ABHD17C: variants seen among roughly 807,000 people sequenced by gnomAD.
ABHD17C encodes the protein alpha/beta hydrolase domain-containing protein 17C.
Under a neutral mutation model 27.9 loss-of-function variants are expected in ABHD17C, and 11 were observed. The observed-to-expected ratio is 0.39, with a 90% confidence interval of 0.25 to 0.65. The LOEUF (loss-of-function observed/expected upper bound fraction) is 0.65. ABHD17C is among the 30% of genes least tolerant of loss of function. The pLI is 0.45. For missense variants in ABHD17C, 280 were observed against 470.2 expected (o/e 0.60, Z 3.74); for synonymous variants, 233 against 209.1 (o/e 1.11, Z -0.98).
intron 1 of ABHD17C, among the ~76,000 whole-genome samples, chr15:80,705,333 T>TGTGTGTGTGTGTGTGTGTGTG (rs1555421865): frequency 4.7e-5 from 5 of 106,822 alleles, no homozygotes; most frequent in African/African-American, 1.4e-4. Flanking sequence ...TTCCTATGAT[T>TGTGTGTGTGTGTGTGTGTGTG]TGTGTGTGTG....
intron 1 of ABHD17C, among the ~76,000 whole-genome samples, chr15:80,747,310 G>A (rs1027931596): frequency 3.3e-5 from 5 of 152,086 alleles, no homozygotes; most frequent in Admixed American, 2.0e-4. Context: ...TGTGGAGGGA[G>A]GAGGAGACCC....
rs981397629 is a variant in ABHD17C, at chr15:80,752,076, G to A, written c.771-2075G>A. On this transcript the variant is annotated intron_variant, in intron 2 of 2. Coordinates refer to ENST00000258884, the MANE Select transcript of ABHD17C (RefSeq NM_021214.2). ...TTTTACCTCCTTTACACTTGGGATC[G>A]GATGATGGAAGTCAACTTTAAATAC... Among the ~76,000 whole-genome samples the A allele has an allele frequency of 3.3e-5, 5 of 152,212 alleles. No individual in the cohort carries two copies. In the East Asian group the frequency reaches 5.8e-4, roughly 18 times the overall value.
intron 1 of ABHD17C, among the ~76,000 whole-genome samples, chr15:80,744,722 A>G (rs2141520558): frequency 1.3e-5 from 2 of 152,338 alleles, no homozygotes; most frequent in Middle Eastern, 6.8e-3. Context: ...GAAATTAGGA[A>G]TGAAAATTTG....
intron 1 of ABHD17C, among the ~76,000 whole-genome samples, chr15:80,737,381 C>T (rs1895145560): frequency 6.6e-6 from 1 of 152,184 alleles, no homozygotes; most frequent in African/African-American, 2.4e-5. Context: ...TGATGGTAAA[C>T]TTCGAATGGA....
intron 1 of ABHD17C, among the ~76,000 whole-genome samples, chr15:80,711,373 C>T (rs904084752): frequency 3.9e-5 from 6 of 152,138 alleles, no homozygotes; most frequent in African/African-American, 2.4e-5. Context: ...AGTGATCGCT[C>T]ATTTCCCCCA....
chr15:80,740,601 C>T (rs1241972146), intron 1 of ABHD17C, among the ~76,000 whole-genome samples: 2 of 152,134 alleles, frequency 1.3e-5, no homozygotes, highest in African/African-American at 4.8e-5. Context: ...GATCAGAATT[C>T]TGGCCTGGAA....
intron 1 of ABHD17C, among the ~76,000 whole-genome samples, chr15:80,709,105 A>T (rs1423445565): frequency 6.6e-6 from 1 of 152,162 alleles, no homozygotes; most frequent in Non-Finnish European, 1.5e-5. Context: ...TTTGTATCAT[A>T]CCAGGGGTTT....
chr15:80,700,151 C>T (rs1195171980), intron 1 of ABHD17C, among the ~76,000 whole-genome samples: 1 of 152,212 alleles, frequency 6.6e-6, no homozygotes, highest in African/African-American at 2.4e-5. Context: ...AACACACATC[C>T]TTCCAGGGGA....
chr15:80,699,238 C>A (rs1442014565), intron 1 of ABHD17C, among the ~76,000 whole-genome samples: 2 of 152,342 alleles, frequency 1.3e-5, no homozygotes, highest in Middle Eastern at 6.8e-3. Flanking sequence ...TTCTCTATTC[C>A]TGACAGTTGG....
intron 1 of ABHD17C, 72 bp from the exon 2 acceptor site, chr15:80,749,441 G>A (rs968909639): frequency 3.8e-5 from 57 of 1,501,764 alleles, no homozygotes; most frequent in Admixed American, 7.5e-5. Flanking sequence ...GGGTTTAAGA[G>A]GCGGGTTTCT....
chr15:80,745,508 A>T (rs918810294), intron 1 of ABHD17C, among the ~76,000 whole-genome samples: 2 of 152,120 alleles, frequency 1.3e-5, no homozygotes, highest in African/African-American at 2.4e-5. Context: ...AGTTTGGACT[A>T]CAGGGGACGC....
chr15:80,750,227 C>T (rs538131844), intron 2 of ABHD17C, among the ~76,000 whole-genome samples: 2 of 152,256 alleles, frequency 1.3e-5, no homozygotes, highest in African/African-American at 4.8e-5. Flanking sequence ...GTGAGTTACT[C>T]GACAAGCCAG....
intron 1 of ABHD17C, among the ~76,000 whole-genome samples, chr15:80,706,865 C>T (rs994068765): frequency 6.6e-6 from 1 of 152,112 alleles, no homozygotes; most frequent in Non-Finnish European, 1.5e-5. Flanking sequence ...TGATTGTTGT[C>T]GTGATGTTTA....
chr15:80,709,693 G>A (rs916182934), intron 1 of ABHD17C, among the ~76,000 whole-genome samples: 2 of 151,868 alleles, frequency 1.3e-5, no homozygotes, highest in Admixed American at 6.6e-5. Context: ...CACACTTCCC[G>A]GCCTCTCCCT....
chr15:80,731,835 G>A (rs960170), intron 1 of ABHD17C, among the ~76,000 whole-genome samples: 142,454 of 152,226 alleles, frequency 0.94, 66,701 homozygotes, highest in East Asian at 0.97. Context: ...GCCAGATTTA[G>A]GAGGAATGCT....
chr15:80,750,668 T>C (rs1895353709), intron 2 of ABHD17C, among the ~76,000 whole-genome samples: 1 of 152,172 alleles, frequency 6.6e-6, no homozygotes, highest in African/African-American at 2.4e-5. Flanking sequence ...GTGCAGTTTG[T>C]ACCAGGATTC....
intron 1 of ABHD17C, among the ~76,000 whole-genome samples, chr15:80,742,950 C>T (rs1895229888): frequency 8.4e-6 from 1 of 119,240 alleles, no homozygotes; most frequent in East Asian, 2.8e-4. Context: ...GTTTGCAAGA[C>T]TTCATAGGGG....
At chr15:80,735,453 C>T (rs1283054693) in intron 1 of ABHD17C, among the ~76,000 whole-genome samples, 1 of 152,124 alleles carries the variant, frequency 6.6e-6, no homozygotes, top group Non-Finnish European at 1.5e-5. Context: ...AGCACTTCTT[C>T]CCACCCAGCA....
At chr15:80,745,997 T>C (rs1231396047) in intron 1 of ABHD17C, among the ~76,000 whole-genome samples, 1 of 152,208 alleles carries the variant, frequency 6.6e-6, no homozygotes, top group Non-Finnish European at 1.5e-5. Flanking sequence ...TGCTAATAAA[T>C]CATGTCACTT....
Sources: allele counts gnomAD v4.1 joint callset (sites outside exome capture counted in the v4.1 genomes callset), GRCh38; gene constraint gnomAD v4.1.1; transcripts MANE v1.5; gene names NCBI Gene and HGNC (gene_info 2026-07-23, HGNC 2026-07-21).